The following GABRB1 variants were observed in gnomAD, a reference collection of about 807,000 sequenced individuals.
GABRB1 encodes gamma-aminobutyric acid type A receptor subunit beta1, also known as gamma-aminobutyric acid receptor subunit beta-1.
Under a neutral mutation model 51.6 loss-of-function variants are expected in GABRB1, and 17 were observed. That is an observed-to-expected ratio of 0.33 (90% confidence interval 0.23 to 0.49). GABRB1 has a LOEUF of 0.49. Among genes scored for constraint, GABRB1 ranks in the 20% least tolerant of loss-of-function variants. The pLI, the probability that GABRB1 is intolerant of heterozygous loss-of-function variation, is 0.99. For synonymous variants in GABRB1, 247 were observed against 218.9 expected (o/e 1.13, Z -1.14); for missense variants, 410 against 600.6 (o/e 0.68, Z 3.32).
At chr4:47,005,347 G>A (rs1356130871) in intron 1 of GABRB1, among the ~76,000 whole-genome samples, 1 of 152,182 alleles carries the variant, frequency 6.6e-6, no homozygotes, top group African/African-American at 2.4e-5. Flanking sequence ...GAACCCGAGA[G>A]GCGGAGCTTG....
intron 4 of GABRB1, among the ~76,000 whole-genome samples, chr4:47,195,860 A>C (rs1719663499): frequency 6.6e-6 from 1 of 152,202 alleles, no homozygotes; most frequent in Non-Finnish European, 1.5e-5. Context: ...TACTTTGTCT[A>C]AGGTCACCAG....
At chr4:47,192,900 T>A (rs1416547114) in intron 4 of GABRB1, among the ~76,000 whole-genome samples, 2 of 152,188 alleles carry the variant, frequency 1.3e-5, no homozygotes, top group African/African-American at 4.8e-5. Context: ...GTGAGTACTA[T>A]TTTATCCCCA....
chr4:46,997,811 T>C (rs1446791289), intron 1 of GABRB1, among the ~76,000 whole-genome samples: 1 of 152,212 alleles, frequency 6.6e-6, no homozygotes, highest in African/African-American at 2.4e-5. Flanking sequence ...AGTTTCTTTA[T>C]TCATTCATCC....
intron 4 of GABRB1, 42 bp from the exon 5 acceptor site, chr4:47,320,085 C>T (rs1317946086): frequency 7.7e-7 from 1 of 1,293,152 alleles, no homozygotes; most frequent in Non-Finnish European, 1.1e-6. Flanking sequence ...GAAATGTCAT[C>T]ACTTTTGTAA....
chr4:47,022,766 T>G (rs933177247), intron 1 of GABRB1, among the ~76,000 whole-genome samples: 2 of 152,002 alleles, frequency 1.3e-5, no homozygotes, highest in Admixed American at 6.6e-5. Flanking sequence ...GAAATTGAGC[T>G]CAATTCCTCA....
intron 5 of GABRB1, among the ~76,000 whole-genome samples, chr4:47,358,338 A>T (rs953763115): frequency 6.6e-6 from 1 of 151,860 alleles, no homozygotes; most frequent in Non-Finnish European, 1.5e-5. Flanking sequence ...CATGCTATAT[A>T]TATGCATATT....
chr4:47,382,459 C>A lies in GABRB1; in HGVS notation c.545-20859C>A, dbSNP rs145428489. Among the ~76,000 whole-genome samples the A allele has an allele frequency of 3.3e-3, 508 of 152,272 alleles. 4 individuals carry two copies. The highest frequency in any genetic ancestry group is 0.011 in the African/African-American group (452 of 41,546). Reference sequence around the variant, plus strand: ...ATGTACTTGGAAGCATTCTTCTAAGCGTTTTGATGATGGATTGCTTCTAAG... The same window carrying A: ...ATGTACTTGGAAGCATTCTTCTAAGAGTTTTGATGATGGATTGCTTCTAAG... On this transcript the variant is annotated intron_variant, in intron 5 of 8. Transcript: ENST00000295454.
chr4:47,185,677 T>A (rs1335215216), intron 4 of GABRB1, among the ~76,000 whole-genome samples: 1 of 151,902 alleles, frequency 6.6e-6, no homozygotes, highest in African/African-American at 2.4e-5. Context: ...CTCCTAGTGC[T>A]TCAGTTTCCT....
intron 4 of GABRB1, among the ~76,000 whole-genome samples, chr4:47,269,055 G>T (rs1578050378): frequency 6.6e-6 from 1 of 152,224 alleles, no homozygotes; most frequent in East Asian, 1.9e-4. Context: ...AACTTATTTT[G>T]ATGGTCTCCA....
Position 47,079,998 on chromosome 4 carries a change from T to TA in GABRB1, c.240+47523dup, listed in dbSNP as rs567227300. Among the ~76,000 whole-genome samples, 835 of 150,520 alleles carry TA rather than the reference T, an allele frequency of 5.5e-3. 5 individuals carry two copies. The highest frequency in any genetic ancestry group is 0.031 in the South Asian group (145 of 4,754). Reference sequence around the variant, plus strand: ...ATGTACCCTAAAACTTAAAGAATAATAAAAAAAAAGAAATATAAAAAAAAC... The same window carrying TA: ...ATGTACCCTAAAACTTAAAGAATAATAAAAAAAAAAGAAATATAAAAAAAAC... On this transcript the variant is annotated intron_variant, in intron 3 of 8. Coordinates refer to ENST00000295454, the MANE Select transcript of GABRB1 (RefSeq NM_000812.4).
At chr4:47,408,996 G>A (rs1728669410) in intron 8 of GABRB1, among the ~76,000 whole-genome samples, 1 of 152,170 alleles carries the variant, frequency 6.6e-6, no homozygotes, top group Admixed American at 6.5e-5. Flanking sequence ...AAAAAACAAT[G>A]TTCTCTAGGG....
chr4:47,148,435 A>C (rs1717275415), intron 3 of GABRB1, among the ~76,000 whole-genome samples: 1 of 152,056 alleles, frequency 6.6e-6, no homozygotes, highest in African/African-American at 2.4e-5. Context: ...TCACAATGTA[A>C]ATTAAGAGAC....
At chr4:47,348,490 T>G (rs986551223) in intron 5 of GABRB1, among the ~76,000 whole-genome samples, 1 of 152,202 alleles carries the variant, frequency 6.6e-6, no homozygotes, top group African/African-American at 2.4e-5. Context: ...CATGTATGTA[T>G]ATGGTATATA....
At chr4:47,335,394 T>A (rs1725661268) in intron 5 of GABRB1, among the ~76,000 whole-genome samples, 1 of 152,124 alleles carries the variant, frequency 6.6e-6, no homozygotes, top group Non-Finnish European at 1.5e-5. Context: ...TGTCATCTGA[T>A]TTTAGATTGG....
chr4:47,391,608 T>C (rs572390293), intron 5 of GABRB1, among the ~76,000 whole-genome samples: 2 of 152,322 alleles, frequency 1.3e-5, no homozygotes, highest in East Asian at 3.9e-4. Flanking sequence ...TCAGTAAGCC[T>C]AAAATTAATA....
chr4:47,147,929 A>C (rs942997941), intron 3 of GABRB1, among the ~76,000 whole-genome samples: 1 of 152,096 alleles, frequency 6.6e-6, no homozygotes, highest in African/African-American at 2.4e-5. Context: ...TATTCTCATA[A>C]CATTGAGGAG....
intron 3 of GABRB1, among the ~76,000 whole-genome samples, chr4:47,077,144 C>T (rs1331426018): frequency 1.3e-5 from 2 of 152,142 alleles, no homozygotes; most frequent in African/African-American, 4.8e-5. Flanking sequence ...TTGTTCCACA[C>T]ATCTGAAAGT....
intron 4 of GABRB1, among the ~76,000 whole-genome samples, chr4:47,215,155 T>C (rs943352758): frequency 6.6e-6 from 1 of 152,120 alleles, no homozygotes; most frequent in Non-Finnish European, 1.5e-5. Flanking sequence ...CTCTTCTTCA[T>C]GGCTGCTGGA....
intron 4 of GABRB1, among the ~76,000 whole-genome samples, chr4:47,316,421 A>G (rs1343701740): frequency 6.6e-6 from 1 of 151,876 alleles, no homozygotes; most frequent in African/African-American, 2.4e-5. Context: ...TTTCATTTTT[A>G]TGGCTGACTA....
Sources: gnomAD v4.1 joint callset for allele counts (sites outside exome capture counted in the v4.1 genomes callset) on GRCh38, gnomAD v4.1.1 for gene constraint, MANE v1.5 for transcripts, NCBI Gene and HGNC (gene_info 2026-07-23, HGNC 2026-07-21) for gene names.